Variants in SCGB2B2 observed in about 807,000 individuals in gnomAD.
The protein encoded by SCGB2B2 is secretoglobin family 2B member 2, also known as secretoglobin-like protein.
In SCGB2B2, 11 loss-of-function variants were observed where a neutral mutation model predicts 7.6. That is an observed-to-expected ratio of 1.45 (90% CI 0.91 to 2.40). The LOEUF (loss-of-function observed/expected upper bound fraction) is 2.40. Ranked by LOEUF, SCGB2B2 falls within the 30% of genes most tolerant of loss-of-function variation. SCGB2B2 has a pLI of 0.00. For synonymous variants in SCGB2B2, 50 were observed against 48.6 expected, an observed-to-expected ratio of 1.03 and a Z score of -0.12; for missense variants, 104 against 115.4, an observed-to-expected ratio of 0.90 and a Z score of 0.45.
intron 1 of SCGB2B2, among the ~76,000 whole-genome samples, chr19:34,672,529 G>A (rs2067828625): frequency 6.6e-6 from 1 of 152,200 alleles, no homozygotes; most frequent in South Asian, 2.1e-4. Flanking sequence ...GTGGCCTAGT[G>A]TAGCTCTAGT....
chr19:34,646,663 T>A (rs569334353), intron 1 of SCGB2B2: 1 of 152,754 alleles, frequency 6.5e-6, no homozygotes, highest in South Asian at 2.1e-4. Context: ...TTGTCAGCGA[T>A]GACTGCAAAG....
chr19:34,622,079 A>G (rs1190585959), intron 1 of SCGB2B2, among the ~76,000 whole-genome samples: 2 of 152,196 alleles, frequency 1.3e-5, no homozygotes, highest in African/African-American at 4.8e-5. Context: ...GTCATTCCTC[A>G]TGGTTAACTT....
chr19:34,620,384 T>C (rs1056596434), intron 1 of SCGB2B2, among the ~76,000 whole-genome samples: 3 of 152,080 alleles, frequency 2.0e-5, no homozygotes, highest in African/African-American at 4.8e-5. Context: ...TGTAGGGACA[T>C]GGATGAAGCT....
At chr19:34,651,178 G>A (rs1311291759) in intron 1 of SCGB2B2, among the ~76,000 whole-genome samples, 1 of 151,360 alleles carries the variant, frequency 6.6e-6, no homozygotes, top group Non-Finnish European at 1.5e-5. Context: ...CTCTTCCTCT[G>A]AGATCTGGAA....
At chr19:34,668,816 T>A (rs1332453086) in intron 1 of SCGB2B2, among the ~76,000 whole-genome samples, 1 of 151,118 alleles carries the variant, frequency 6.6e-6, no homozygotes, top group African/African-American at 2.5e-5. Context: ...TGTGTCTAGC[T>A]CAGGGATTGT....
At chr19:34,587,768 T>C (rs1407974199), downstream of SCGB2B2, among the ~76,000 whole-genome samples, 1 of 152,208 alleles carries the variant, frequency 6.6e-6, no homozygotes, top group Non-Finnish European at 1.5e-5. Context: ...TCGTGCTTTT[T>C]CTGCACCTAT....
chr19:34,593,858 G>A (rs1395945768), intron 3 of SCGB2B2, among the ~76,000 whole-genome samples: 2 of 152,100 alleles, frequency 1.3e-5, no homozygotes, highest in African/African-American at 4.8e-5. Flanking sequence ...AGCGTCCTGT[G>A]TGAGTGTGTG....
intron 1 of SCGB2B2, among the ~76,000 whole-genome samples, chr19:34,667,057 G>A (rs925934053): frequency 5.3e-5 from 8 of 152,032 alleles, no homozygotes; most frequent in African/African-American, 1.5e-4. Context: ...GGGACAGGCC[G>A]TCATGCAGCA....
chr19:34,669,846 C>T (rs2067755083), intron 1 of SCGB2B2, among the ~76,000 whole-genome samples: 1 of 152,170 alleles, frequency 6.6e-6, no homozygotes, highest in Non-Finnish European at 1.5e-5. Context: ...CCGGGGCACA[C>T]CATGCCACAC....
downstream of SCGB2B2, among the ~76,000 whole-genome samples, chr19:34,589,623 G>A (rs929317282): frequency 6.6e-6 from 1 of 152,146 alleles, no homozygotes; most frequent in Non-Finnish European, 1.5e-5. Context: ...GGCAGGATGG[G>A]CCAGGGTTCC....
downstream of SCGB2B2, among the ~76,000 whole-genome samples, chr19:34,586,561 G>C (rs1256465785): frequency 2.6e-5 from 4 of 152,136 alleles, no homozygotes; most frequent in African/African-American, 9.7e-5. Flanking sequence ...TTGTCCTTCT[G>C]GTTCATCTGT....
rs1442973692 is a variant in SCGB2B2, at chr19:34,592,111, T to C, written c.*1444A>G. 6.6e-6 allele frequency among the ~76,000 whole-genome samples: 1 copy of C among 151,816 alleles called. No homozygotes were observed. The highest frequency in any genetic ancestry group is 6.6e-5 in the Admixed American group (1 of 15,234). ...AGAGGGGAGATGATGTGTCCTGAGATGGGGGACTGAAACGTGTGACCTGGA... is the reference window on the plus strand; with the variant it reads ...AGAGGGGAGATGATGTGTCCTGAGACGGGGGACTGAAACGTGTGACCTGGA... On this transcript the variant is annotated 3_prime_UTR_variant, in exon 4 of 4. Coordinates refer to ENST00000601241, the MANE Select transcript of SCGB2B2 (RefSeq NM_001025591.4).
chr19:34,595,130 T>C lies in SCGB2B2; in HGVS notation c.-567A>G, dbSNP rs1258521751. On this transcript the variant is annotated 5_prime_UTR_variant, in exon 2 of 4. An upstream open reading frame in the 5' UTR loses its in-frame stop. Coordinates refer to ENST00000601241, the MANE Select transcript of SCGB2B2 (RefSeq NM_001025591.4). ...AAGGACATGAGATGTAGCAAGTGTG[T>C]TAGGGACACATGTGACACAGTGAAG... is the stretch of plus-strand genomic sequence containing the variant. 1 of 155,602 alleles carries C rather than the reference T, an allele frequency of 6.4e-6. No homozygotes were observed. Among genetic ancestry groups the C allele is most frequent in the East Asian group, 1.9e-4 (1 of 5,400 alleles). The allele number at this position is 155,602 out of a possible 1,614,324, so 9.6% of individuals were successfully genotyped here.
chr19:34,609,347 TTC>T (rs1052738496), intron 1 of SCGB2B2, among the ~76,000 whole-genome samples: 3 of 152,114 alleles, frequency 2.0e-5, no homozygotes, highest in Non-Finnish European at 4.4e-5. Flanking sequence ...TGTTTATTTT[TTC>T]TTTTTTTGTT....
At chr19:34,670,528 C>T (rs61047295) in intron 1 of SCGB2B2, among the ~76,000 whole-genome samples, 3,420 of 152,306 alleles carry the variant, frequency 0.022, 110 homozygotes, top group African/African-American at 0.078. Flanking sequence ...ACTGCCATCC[C>T]TCTATCTTCT....
At chr19:34,628,115 C>T (rs2066428100) in intron 1 of SCGB2B2, among the ~76,000 whole-genome samples, 1 of 151,958 alleles carries the variant, frequency 6.6e-6, no homozygotes, top group African/African-American at 2.4e-5. Flanking sequence ...GGGACACATT[C>T]AATGCAGTGT....
chr19:34,613,630 C>T (rs1029229634), intron 1 of SCGB2B2, among the ~76,000 whole-genome samples: 2 of 152,130 alleles, frequency 1.3e-5, no homozygotes, highest in African/African-American at 2.4e-5. Context: ...CTTCCTCTGT[C>T]ATTGTTTGTC....
chr19:34,669,492 T>C (rs2067738937), intron 1 of SCGB2B2, among the ~76,000 whole-genome samples: 1 of 152,226 alleles, frequency 6.6e-6, no homozygotes, highest in Admixed American at 6.5e-5. Context: ...CACACCGTTA[T>C]GCCTCAGGGC....
Position 34,593,600 on chromosome 19 carries a change from C to T in SCGB2B2, c.247-1G>A. The T allele has an allele frequency of 6.4e-7, 1 of 1,552,398 alleles. No homozygotes were observed. Among genetic ancestry groups the T allele is most frequent in the Non-Finnish European group, 8.7e-7 (1 of 1,147,406 alleles). ...AATCGTTGCTCTGAAGGATCTTCTT[C>T]TGTTGGAAAAAGAAGAAAGAGAGGA... On this transcript the variant is annotated splice_acceptor_variant, in intron 3 of 3. Coordinates refer to ENST00000601241, the MANE Select transcript of SCGB2B2 (RefSeq NM_001025591.4). LOFTEE classifies it high-confidence loss of function.
Sources: gnomAD v4.1 joint callset for allele counts (sites outside exome capture counted in the v4.1 genomes callset) on GRCh38, gnomAD v4.1.1 for gene constraint, MANE v1.5 for transcripts, NCBI Gene and HGNC (gene_info 2026-07-23, HGNC 2026-07-21) for gene names.